Variants in ADSS2 observed in about 807,000 individuals in gnomAD.
ADSS2 encodes the protein adenylosuccinate synthase 2, also known as adenylosuccinate synthetase isozyme 2.
In ADSS2, 30 loss-of-function variants were observed where a neutral mutation model predicts 60.0. The ratio of observed to expected loss-of-function variants is 0.50; its 90% confidence interval spans 0.37 to 0.68. The LOEUF is 0.68. Among genes scored for constraint, ADSS2 ranks in the 30% least tolerant of loss-of-function variants. ADSS2 has a pLI of 0.00. For missense variants in ADSS2, 373 were observed against 554.8 expected (o/e 0.67, Z 3.29); for synonymous variants, 187 against 193.1 (o/e 0.97, Z 0.26).
chr1:244,418,678 C>T, intron 9 of ADSS2, 82 bp downstream of exon 9: 1 of 1,367,332 alleles, frequency 7.3e-7, no homozygotes, highest in Non-Finnish European at 9.8e-7. Context: ...AAGTGAAAGG[C>T]ACAGGAGACA....
At chr1:244,432,413 G>T in intron 4 of ADSS2, 132 bp downstream of exon 4, 1 of 617,918 alleles carries the variant, frequency 1.6e-6, no homozygotes, top group Non-Finnish European at 2.7e-6. Context: ...TTTGTATTTA[G>T]AACTCAATTA....
chr1:244,450,785 T>C (rs1204785653), intron 1 of ADSS2, among the ~76,000 whole-genome samples: 1 of 152,222 alleles, frequency 6.6e-6, no homozygotes, highest in Admixed American at 6.5e-5. Context: ...GAAAACCACG[T>C]GTCTCCCGTT....
chr1:244,427,615 T>A (rs565252830), intron 4 of ADSS2, among the ~76,000 whole-genome samples: 1 of 152,234 alleles, frequency 6.6e-6, no homozygotes, highest in Non-Finnish European at 1.5e-5. Flanking sequence ...TAAGGATTAT[T>A]AGAGGATGGA....
intron 4 of ADSS2, among the ~76,000 whole-genome samples, chr1:244,425,448 T>A (rs1261581895): frequency 6.6e-6 from 1 of 152,194 alleles, no homozygotes; most frequent in East Asian, 1.9e-4. Flanking sequence ...AAGACTGATA[T>A]AAGGTTCTTG....
At chr1:244,423,204 C>G (rs1220018196) in intron 6 of ADSS2, among the ~76,000 whole-genome samples, 1 of 152,112 alleles carries the variant, frequency 6.6e-6, no homozygotes, top group Non-Finnish European at 1.5e-5. Context: ...TCTGTAAACA[C>G]AAAAGACTTA....
At chr1:244,422,191 G>C (rs1362005307) in intron 7 of ADSS2, among the ~76,000 whole-genome samples, 1 of 152,140 alleles carries the variant, frequency 6.6e-6, no homozygotes, top group East Asian at 1.9e-4. Flanking sequence ...CTTAGTTCTG[G>C]AACTGATATT....
intron 10 of ADSS2, among the ~76,000 whole-genome samples, 161 bp downstream of exon 10, chr1:244,417,467 T>C (rs1664559370): frequency 1.3e-5 from 2 of 152,188 alleles, no homozygotes; most frequent in African/African-American, 4.8e-5. Context: ...TCTCCTTGTG[T>C]ACCCTTCCCC....
chr1:244,418,131 A>G (rs1335151297), intron 9 of ADSS2, among the ~76,000 whole-genome samples: 4 of 152,194 alleles, frequency 2.6e-5, no homozygotes, highest in African/African-American at 9.7e-5. Context: ...CATTGATATC[A>G]TAATGCCCTT....
At chr1:244,439,352 G>T (rs1288912246) in intron 1 of ADSS2, among the ~76,000 whole-genome samples, 1 of 152,138 alleles carries the variant, frequency 6.6e-6, no homozygotes, top group African/African-American at 2.4e-5. Context: ...AAGGCTCATG[G>T]GCTTTTTAGC....
chr1:244,424,317 A>G lies in ADSS2; in HGVS notation c.473+4T>C, dbSNP rs2147997278. On this transcript the variant is annotated splice_donor_region_variant and intron_variant, in intron 5 of 12. Transcript: ENST00000366535. ...GTACCAAAAAAACAAAAACCCACACATACTTTTTTCCTGCTTGTTCTTGTC... is the reference window on the plus strand; with the variant it reads ...GTACCAAAAAAACAAAAACCCACACGTACTTTTTTCCTGCTTGTTCTTGTC... 2 of 1,612,934 alleles carry G rather than the reference A, an allele frequency of 1.2e-6. No individual in the cohort carries two copies. Among genetic ancestry groups the G allele is most frequent in the East Asian group, 2.2e-5 (1 of 44,796 alleles).
chr1:244,443,846 G>A lies in ADSS2; in HGVS notation c.184-6078C>T, dbSNP rs369932126. On this transcript the variant is annotated intron_variant, in intron 1 of 12. Coordinates refer to ENST00000366535, the MANE Select transcript of ADSS2 (RefSeq NM_001126.5). ...AGGCGGAGTGGCAGAGTGGCGGAGC[G>A]GCTCTCCAGCCACGTGCTGACACCG... Among the ~76,000 whole-genome samples the A allele has an allele frequency of 2.8e-4, 43 of 152,220 alleles. 1 individual carries two copies. Among genetic ancestry groups the A allele is most frequent in the African/African-American group, 9.4e-4 (39 of 41,542 alleles).
In ADSS2 at chr1:244,417,669, G is replaced by A. The variant is rs771233259; in HGVS notation, c.1029C>T (p.Leu343=). ...TCATATGAGCATATTTGAGCAAAAC[G>A]AGGTCCAACCAGCCACATCTTCTTT... The part of the protein sequence containing the change: ...GRKRRCGWLD[L]VLLKYAHMIN... Residue 343 remains leucine, a synonymous_variant, in exon 10 of 13, where the codon CTC becomes CTT. Coordinates refer to ENST00000366535, the MANE Select transcript of ADSS2 (RefSeq NM_001126.5). The A allele has an allele frequency of 2.5e-5, 40 of 1,612,452 alleles. No individual in the cohort carries two copies. The South Asian group carries it at 3.0e-4, about 12-fold the overall frequency.
In ADSS2 at chr1:244,439,346, C is replaced by T. The variant is rs148336367; in HGVS notation, c.184-1578G>A. ...GGGTAACGCTGCTAATTATTCAAGG[C>T]TCATGGGCTTTTTAGCTAGTAGGTA... On this transcript the variant is annotated intron_variant, in intron 1 of 12. Transcript: ENST00000366535. Among the ~76,000 whole-genome samples, 11 of 152,300 alleles carry T rather than the reference C, an allele frequency of 7.2e-5. No individual in the cohort carries two copies. The East Asian group carries it at 2.1e-3, about 29-fold the overall frequency.
rs775877606 is a variant in ADSS2, at chr1:244,411,398, T to G, written c.1207A>C (p.Lys403Gln). ...TCTGTGTTCCATCCTGGGAGAGTCT[T>G]ATATTGAACTTCAACTTTATTTAAG... ...EVLNKVEVQY[K>Q]TLPGWNTDIS... is the part of the protein sequence containing the mutation. The change falls in exon 12 of 13, where the codon AAG becomes CAG. Residue 403 changes from lysine (K) to glutamine (Q), a missense_variant. Transcript: ENST00000366535. 1 of 1,612,782 alleles carries G rather than the reference T, an allele frequency of 6.2e-7. No homozygotes were observed. Among genetic ancestry groups the G allele is most frequent in the Non-Finnish European group, 8.5e-7 (1 of 1,179,626 alleles).
intron 1 of ADSS2, among the ~76,000 whole-genome samples, chr1:244,439,640 T>C (rs1471915289): frequency 1.3e-5 from 2 of 152,180 alleles, no homozygotes; most frequent in Non-Finnish European, 2.9e-5. Context: ...AAGCACTCCC[T>C]TAGCTACCTT....
At chr1:244,422,985 C>T (rs1402224802) in intron 6 of ADSS2, 69 bp from the exon 7 acceptor site, 1 of 1,042,970 alleles carries the variant, frequency 9.6e-7, no homozygotes, top group Non-Finnish European at 1.4e-6. Context: ...TCATTTCATT[C>T]AAATGGTTTC....
Position 244,435,837 on chromosome 1 carries a change from G to A in ADSS2, c.355+988C>T, listed in dbSNP as rs375622101. On this transcript the variant is annotated intron_variant, in intron 3 of 12. Transcript: ENST00000366535. Reference sequence around the variant, plus strand: ...AAAATGTGTTCAGGGTAAGTAAGCAGTACAGCAGCAGCACCAGAGTATCTG... The same window carrying A: ...AAAATGTGTTCAGGGTAAGTAAGCAATACAGCAGCAGCACCAGAGTATCTG... 1.1e-3 allele frequency among the ~76,000 whole-genome samples: 172 copies of A among 152,336 alleles called. 2 individuals carry two copies. Among genetic ancestry groups the A allele is most frequent in the African/African-American group, 4.0e-3 (165 of 41,570 alleles).
intron 1 of ADSS2, among the ~76,000 whole-genome samples, chr1:244,443,411 T>A (rs1001163145): frequency 6.6e-6 from 1 of 152,168 alleles, no homozygotes; most frequent in African/African-American, 2.4e-5. Flanking sequence ...AACAAAAAAA[T>A]AGAATATGTT....
intron 1 of ADSS2, among the ~76,000 whole-genome samples, chr1:244,438,792 TAC>T (rs2148009898): frequency 6.6e-6 from 1 of 152,332 alleles, no homozygotes; most frequent in African/African-American, 2.4e-5. Flanking sequence ...TAGTATTACA[TAC>T]ATTTATGTGT....
Sources: allele counts gnomAD v4.1 joint callset (sites outside exome capture counted in the v4.1 genomes callset), GRCh38; gene constraint gnomAD v4.1.1; transcripts MANE v1.5; gene names NCBI Gene and HGNC (gene_info 2026-07-23, HGNC 2026-07-21).